The following GNAO1 variants were observed in gnomAD, a reference collection of about 807,000 sequenced individuals.
The protein encoded by GNAO1 is guanine nucleotide-binding protein G(o) subunit alpha.
For synonymous variants in GNAO1, 164 were observed against 180.7 expected (o/e 0.91, Z 0.74); for missense variants, 166 against 478.7 (o/e 0.35, Z 6.10).
At chr16:56,313,003 G>T (rs2037475139) in intron 3 of GNAO1, among the ~76,000 whole-genome samples, 1 of 152,234 alleles carries the variant, frequency 6.6e-6, no homozygotes. Context: ...CCTTCTACAG[G>T]CAGGGGATCC....
rs1245475856 is a variant in GNAO1 at position 56,294,048 on chromosome 16, C to G, written c.303+17976C>G. Among the ~76,000 whole-genome samples the G allele has an allele frequency of 1.1e-4, 16 of 152,178 alleles. 1 individual carries two copies. Among genetic ancestry groups the G allele is most frequent in the Non-Finnish European group, 1.0e-4 (7 of 68,040 alleles). On this transcript the variant is annotated intron_variant, in intron 3 of 8. Transcript: ENST00000262493. The stretch of plus-strand genomic sequence containing the variant: ...GTGTTGAGACAGGGTTATTACTATA[C>G]TTTATAGATGAGCTGAGAAAGGTTA...
chr16:56,331,389 A>G (rs1026278381), intron 4 of GNAO1, among the ~76,000 whole-genome samples: 2 of 152,126 alleles, frequency 1.3e-5, no homozygotes, highest in African/African-American at 4.8e-5. Flanking sequence ...TGAGTTGTCC[A>G]TGCTGGCGTC....
At chr16:56,353,878 C>A (rs193099609) in intron 7 of GNAO1, among the ~76,000 whole-genome samples, 16 of 152,370 alleles carry the variant, frequency 1.1e-4, no homozygotes, top group African/African-American at 3.4e-4. Context: ...CTGTCCCAAC[C>A]CCCTGCCCCT....
chr16:56,299,870 G>A (rs1451844569), intron 3 of GNAO1, among the ~76,000 whole-genome samples: 1 of 152,170 alleles, frequency 6.6e-6, no homozygotes, highest in Non-Finnish European at 1.5e-5. Flanking sequence ...TGGGGGTCCA[G>A]AGGCAGCATT....
chr16:56,246,702 C>T (rs1048868920), intron 2 of GNAO1, among the ~76,000 whole-genome samples: 4 of 152,142 alleles, frequency 2.6e-5, no homozygotes, highest in African/African-American at 4.8e-5. Flanking sequence ...CCATGTTCCC[C>T]GTCATGTGCC....
chr16:56,278,731 G>A (rs1443834259), intron 3 of GNAO1, among the ~76,000 whole-genome samples: 1 of 152,188 alleles, frequency 6.6e-6, no homozygotes, highest in Non-Finnish European at 1.5e-5. Flanking sequence ...AGCCTGATCT[G>A]GGGGTAGGAG....
chr16:56,214,806 C>T lies in GNAO1; in HGVS notation c.161+22190C>T, dbSNP rs557167410. On this transcript the variant is annotated intron_variant, in intron 2 of 8. Coordinates refer to ENST00000262493, the MANE Select transcript of GNAO1 (RefSeq NM_020988.3). ...AATTCTCACTTCTTCCCAACACTTG[C>T]GTACCGGGTGTTTCTGTCCCATGGC... Among the ~76,000 whole-genome samples, 8 of 152,374 alleles carry T rather than the reference C, an allele frequency of 5.3e-5. No homozygotes were observed. In the South Asian group the frequency reaches 6.2e-4, roughly 12 times the overall value.
intron 5 of GNAO1, 50 bp downstream of exon 5, chr16:56,334,907 T>C: frequency 5.0e-6 from 8 of 1,598,360 alleles, no homozygotes; most frequent in Non-Finnish European, 6.9e-6. Context: ...AGATGGGACA[T>C]GCCCAGCCTC....
At chr16:56,239,386 G>T (rs530815617) in intron 2 of GNAO1, among the ~76,000 whole-genome samples, 1 of 152,184 alleles carries the variant, frequency 6.6e-6, no homozygotes, top group Admixed American at 6.5e-5. Context: ...TAATAATTAG[G>T]TGCTTTAATA....
In GNAO1 at chr16:56,324,170, G is replaced by A. The variant is rs182545214; in HGVS notation, c.304-4461G>A. On this transcript the variant is annotated intron_variant, in intron 3 of 8. Transcript: ENST00000262493. ...ACTGTAGAATGCATCCTACTGGAGT[G>A]GGACCCATTAAATTCCAGGCCACAC... Among the ~76,000 whole-genome samples the A allele has an allele frequency of 1.2e-3, 189 of 152,308 alleles. 1 individual carries two copies. The highest frequency in any genetic ancestry group is 0.012 in the South Asian group (58 of 4,818).
intron 5 of GNAO1, 39 bp downstream of exon 5, chr16:56,334,896 A>G: frequency 6.2e-7 from 1 of 1,607,404 alleles, no homozygotes; most frequent in Non-Finnish European, 8.5e-7. Flanking sequence ...GGCGAGGGCT[A>G]AGATGGGACA....
chr16:56,235,056 G>T, intron 2 of GNAO1: 1 of 320,968 alleles, frequency 3.1e-6, no homozygotes, highest in South Asian at 2.7e-5. Flanking sequence ...CTTGAGTTCT[G>T]CAAAAGACAC....
At chr16:56,280,608 A>G (rs1208666020) in intron 3 of GNAO1, among the ~76,000 whole-genome samples, 5 of 152,152 alleles carry the variant, frequency 3.3e-5, no homozygotes, top group African/African-American at 1.2e-4. Context: ...GGGGGAGACT[A>G]AAGATGGGAG....
intron 2 of GNAO1, among the ~76,000 whole-genome samples, chr16:56,231,256 G>A (rs572345014): frequency 2.0e-5 from 3 of 152,128 alleles, no homozygotes; most frequent in Admixed American, 6.5e-5. Flanking sequence ...AATCCACCGT[G>A]GGGTAGGCTC....
chr16:56,331,992 C>A (rs764409453), intron 4 of GNAO1, among the ~76,000 whole-genome samples: 2 of 152,170 alleles, frequency 1.3e-5, no homozygotes, highest in Non-Finnish European at 2.9e-5. Context: ...CTCCTGTATC[C>A]CACACCGAGG....
At chr16:56,300,008 C>CGTGTGTGTGTGTGT (rs71381116) in intron 3 of GNAO1, among the ~76,000 whole-genome samples, 17,898 of 128,208 alleles carry the variant, frequency 0.14, 1,457 homozygotes, top group Admixed American at 0.18. Context: ...GATTGGGGTT[C>CGTGTGTGTGTGTGT]GTGTGTGTGT....
At chr16:56,265,415 G>A (rs1396573253) in intron 2 of GNAO1, among the ~76,000 whole-genome samples, 1 of 152,226 alleles carries the variant, frequency 6.6e-6, no homozygotes, top group Non-Finnish European at 1.5e-5. Context: ...TGTATCCAGT[G>A]CCTGGAATGA....
At chr16:56,320,984 C>T (rs911337972) in intron 3 of GNAO1, among the ~76,000 whole-genome samples, 2 of 152,202 alleles carry the variant, frequency 1.3e-5, no homozygotes, top group African/African-American at 4.8e-5. Context: ...ACAGCTAGTG[C>T]CATACCAGTC....
At chr16:56,233,964 G>A (rs752131438) in intron 2 of GNAO1, among the ~76,000 whole-genome samples, 3 of 152,174 alleles carry the variant, frequency 2.0e-5, no homozygotes, top group Non-Finnish European at 4.4e-5. Context: ...GTGCTGACCC[G>A]GCTCTGCTGG....
Sources: gnomAD v4.1 joint callset for allele counts (sites outside exome capture counted in the v4.1 genomes callset) on GRCh38, gnomAD v4.1.1 for gene constraint, MANE v1.5 for transcripts, NCBI Gene and HGNC (gene_info 2026-07-23, HGNC 2026-07-21) for gene names.